The following EML1 variants were observed in gnomAD, a reference collection of about 807,000 sequenced individuals.
EML1 encodes echinoderm microtubule-associated protein-like 1.
Under a neutral mutation model 110.4 loss-of-function variants are expected in EML1, and 27 were observed. That is an observed-to-expected ratio of 0.24 (90% confidence interval 0.18 to 0.34). EML1 has a LOEUF of 0.34. Among genes scored for constraint, EML1 ranks in the 10% least tolerant of loss-of-function variants. EML1 has a pLI of 1.00. For missense variants in EML1, 741 were observed against 1,030.9 expected (o/e 0.72, Z 3.85); for synonymous variants, 344 against 385.8 (o/e 0.89, Z 1.27).
Position 99,914,553 on chromosome 14 carries a change from T to C in EML1, c.1621-13T>C. On this transcript the variant is annotated splice_polypyrimidine_tract_variant and intron_variant, in intron 14 of 21. Coordinates refer to ENST00000262233, the MANE Select transcript of EML1 (RefSeq NM_004434.3). ...TATCTCAGAGCGCTTCTGTTTGTCT[T>C]GGTTATTTGTAGGGTCACACTGATG... 6.3e-7 allele frequency: 1 copy of C among 1,581,362 alleles called. No homozygotes were observed. The highest frequency in any genetic ancestry group is 8.5e-7 in the Non-Finnish European group (1 of 1,170,014).
At chr14:99,777,334 C>A (rs543401177) in intron 1 of EML1, among the ~76,000 whole-genome samples, 1 of 152,294 alleles carries the variant, frequency 6.6e-6, no homozygotes, top group African/African-American at 2.4e-5. Context: ...CCCTAGCGTT[C>A]TTCCTACCTC....
intron 3 of EML1, among the ~76,000 whole-genome samples, chr14:99,877,440 G>T (rs2059311253): frequency 6.6e-6 from 1 of 152,138 alleles, no homozygotes; most frequent in Admixed American, 6.5e-5. Context: ...CGAATCCCCT[G>T]TGTATAGGGG....
intron 1 of EML1, among the ~76,000 whole-genome samples, chr14:99,830,170 T>C (rs2058425174): frequency 6.6e-6 from 1 of 152,252 alleles, no homozygotes; most frequent in East Asian, 1.9e-4. Flanking sequence ...TTTTCATTTT[T>C]TTTATGATAG....
In EML1 at chr14:99,864,227, T is replaced by C. The variant is rs1352741837; in HGVS notation, c.251-1287T>C. Reference sequence around the variant, plus strand: ...CATTGAATTTGAAGAGTTCCTTTTATGTTCCTTATACAAGTCTTTTATCAG... The same window carrying C: ...CATTGAATTTGAAGAGTTCCTTTTACGTTCCTTATACAAGTCTTTTATCAG... On this transcript the variant is annotated intron_variant, in intron 2 of 21. Coordinates refer to ENST00000262233, the MANE Select transcript of EML1 (RefSeq NM_004434.3). Among the ~76,000 whole-genome samples, 4 of 152,274 alleles carry C rather than the reference T, an allele frequency of 2.6e-5. No homozygotes were observed. The South Asian group carries it at 8.3e-4, about 32-fold the overall frequency.
chr14:99,822,770 G>A lies in EML1; in HGVS notation c.68-28083G>A, dbSNP rs2058285748. Among the ~76,000 whole-genome samples the A allele has an allele frequency of 2.6e-5, 4 of 152,102 alleles. No homozygotes were observed. In the South Asian group the frequency reaches 8.3e-4, roughly 32 times the overall value. On this transcript the variant is annotated intron_variant, in intron 1 of 21. Transcript: ENST00000262233. ...ATTGAACTTAAACTTGCCTGCAGGG[G>A]GTGGCAGTAGAGGAAGCCCACTTGG...
At chr14:99,756,199 G>A (rs1399037862) in intron 1 of EML1, among the ~76,000 whole-genome samples, 1 of 152,352 alleles carries the variant, frequency 6.6e-6, no homozygotes, top group South Asian at 2.1e-4. Flanking sequence ...GGAGGCGACT[G>A]CAGGTGGCAC....
At chr14:99,770,298 T>A (rs2057410077), upstream of EML1, among the ~76,000 whole-genome samples, 1 of 152,188 alleles carries the variant, frequency 6.6e-6, no homozygotes, top group South Asian at 2.1e-4. Flanking sequence ...TCACAGACAA[T>A]TGTCTTCTTC....
intron 1 of EML1, among the ~76,000 whole-genome samples, chr14:99,837,540 A>T (rs1253694263): frequency 1.3e-5 from 2 of 152,196 alleles, no homozygotes; most frequent in Non-Finnish European, 2.9e-5. Context: ...ACGAATGTGG[A>T]TGGGAGGTTA....
rs750774242 is a variant in EML1 at position 99,914,652 on chromosome 14, C to G, written c.1707C>G (p.Leu569=). ...GTGGGCATGACAAGCATGCCACTCT[C>G]TGGGACGCTGTGGGTCACCGTCCCG... ...LTCGHDKHAT[L]WDAVGHRPVW... Residue 569 remains leucine, a synonymous_variant, in exon 15 of 22, where the codon CTC becomes CTG. Transcript: ENST00000262233. 1 of 1,611,906 alleles carries G rather than the reference C, an allele frequency of 6.2e-7. No individual in the cohort carries two copies.
chr14:99,920,913 A>C (rs775041199), intron 17 of EML1, 36 bp downstream of exon 17: 1 of 1,217,388 alleles, frequency 8.2e-7, no homozygotes, highest in Admixed American at 2.1e-5. Flanking sequence ...TTATTTTTTT[A>C]ATCAACTTTT....
intron 1 of EML1, among the ~76,000 whole-genome samples, chr14:99,833,979 CTTTTTA>C (rs1273125121): frequency 6.6e-6 from 1 of 152,072 alleles, no homozygotes; most frequent in African/African-American, 2.4e-5. Context: ...GCTTATATTT[CTTTTTA>C]TTTTTCACTG....
At chr14:99,898,922 A>C (rs1238832467) in intron 8 of EML1, among the ~76,000 whole-genome samples, 1 of 152,180 alleles carries the variant, frequency 6.6e-6, no homozygotes, top group African/African-American at 2.4e-5. Context: ...AATAAAGTTA[A>C]AATTATAATA....
At chr14:99,873,104 T>C (rs1428638411) in intron 3 of EML1, among the ~76,000 whole-genome samples, 2 of 152,110 alleles carry the variant, frequency 1.3e-5, no homozygotes, top group Admixed American at 6.6e-5. Flanking sequence ...CCTTGCTCAG[T>C]GGGGATGCGG....
chr14:99,907,814 G>T (rs1288486024), intron 10 of EML1, 81 bp downstream of exon 10: 1 of 1,366,274 alleles, frequency 7.3e-7, no homozygotes, highest in Non-Finnish European at 1.0e-6. Context: ...CCCCCTTTCA[G>T]CGGGCTCATT....
chr14:99,848,189 T>C (rs945069660), intron 1 of EML1, among the ~76,000 whole-genome samples: 1 of 152,196 alleles, frequency 6.6e-6, no homozygotes, highest in African/African-American at 2.4e-5. Context: ...TGCATTATTC[T>C]TTAGTCATTT....
chr14:99,745,978 G>A (rs953341855), intron 1 of EML1, among the ~76,000 whole-genome samples: 1 of 152,188 alleles, frequency 6.6e-6, no homozygotes, highest in Non-Finnish European at 1.5e-5. Flanking sequence ...TGGTGTCCTT[G>A]TCCTTAGGGT....
chr14:99,741,959 G>T (rs1290117822), intron 1 of EML1, among the ~76,000 whole-genome samples: 1 of 152,222 alleles, frequency 6.6e-6, no homozygotes, highest in Non-Finnish European at 1.5e-5. Flanking sequence ...GTCCCGAGCT[G>T]TTGGATGCTA....
chr14:99,755,027 C>A (rs535025076), intron 1 of EML1, among the ~76,000 whole-genome samples: 1 of 152,242 alleles, frequency 6.6e-6, no homozygotes, highest in Non-Finnish European at 1.5e-5. Context: ...GGAGGCCCAG[C>A]ATCCTACACG....
intron 1 of EML1, among the ~76,000 whole-genome samples, chr14:99,809,269 T>C (rs1013548077): frequency 6.6e-6 from 1 of 152,212 alleles, no homozygotes; most frequent in African/African-American, 2.4e-5. Context: ...TGCTTAAATA[T>C]CATATTTATC....
Sources: allele counts gnomAD v4.1 joint callset (sites outside exome capture counted in the v4.1 genomes callset), GRCh38; gene constraint gnomAD v4.1.1; transcripts MANE v1.5; gene names NCBI Gene and HGNC (gene_info 2026-07-23, HGNC 2026-07-21).